Variants in MAPRE1 observed in about 807,000 individuals in gnomAD.
MAPRE1 encodes the protein microtubule associated protein RP/EB family member 1.
In MAPRE1, 5 loss-of-function variants were observed where a neutral mutation model predicts 32.1. That is an observed-to-expected ratio of 0.16 (90% CI 0.08 to 0.33). The LOEUF (loss-of-function observed/expected upper bound fraction) is 0.33. Ranked by LOEUF, MAPRE1 falls within the 10% of genes least tolerant of loss-of-function variation. The pLI is 1.00. For missense variants in MAPRE1, 209 were observed against 327.2 expected (o/e 0.64, Z 2.79); for synonymous variants, 122 against 118.9 (o/e 1.03, Z -0.17).
chr20:32,832,948 A>T (rs1000348947), intron 2 of MAPRE1, among the ~76,000 whole-genome samples: 11 of 151,542 alleles, frequency 7.3e-5, no homozygotes, highest in African/African-American at 2.7e-4. Flanking sequence ...GTCTCAAAAA[A>T]AATAAATAAA....
intron 6 of MAPRE1, among the ~76,000 whole-genome samples, chr20:32,847,325 A>G (rs1363226287): frequency 6.6e-6 from 1 of 152,174 alleles, no homozygotes; most frequent in East Asian, 1.9e-4. Flanking sequence ...TAATCACGAC[A>G]TGTTAGTTGA....
In MAPRE1 at chr20:32,826,166, C is replaced by G. The variant is rs1051479149; in HGVS notation, c.121+118C>G. On this transcript the variant is annotated intron_variant, in intron 2 of 6. Transcript: ENST00000375571. ...AGGTTCAGGGTCTTTGTTAGGGCCA[C>G]CCTGTTTCTTCCTCTCAGCCCTGCC... 7 of 869,386 alleles carry G rather than the reference C, an allele frequency of 8.1e-6. No individual in the cohort carries two copies. The African/African-American group carries it at 1.2e-4, about 15-fold the overall frequency. The allele number at this position is 869,386 out of a possible 1,614,324, so 53.9% of individuals were successfully genotyped here. A position where few individuals can be genotyped will look rare whatever the true frequency, so the allele number is the denominator to read the frequency against.
intron 5 of MAPRE1, among the ~76,000 whole-genome samples, chr20:32,845,551 T>G (rs987362093): frequency 6.6e-6 from 1 of 152,194 alleles, no homozygotes; most frequent in Non-Finnish European, 1.5e-5. Context: ...AGAGGGTCCT[T>G]TCTCCTGGGA....
At chr20:32,821,017 C>A (rs897410155) in intron 1 of MAPRE1, among the ~76,000 whole-genome samples, 1 of 148,696 alleles carries the variant, frequency 6.7e-6, no homozygotes, top group African/African-American at 2.5e-5. Context: ...GAGAGATTCT[C>A]TTCTTCCTTT....
rs567714518 is a variant in MAPRE1, at chr20:32,849,936, C to T, written c.*1208C>T. 4 of 152,658 alleles carry T rather than the reference C, an allele frequency of 2.6e-5. No homozygotes were observed. The highest frequency in any genetic ancestry group is 1.3e-4 in the Admixed American group (2 of 15,286). The allele number at this position is 152,658 out of a possible 1,614,324, so 9.5% of individuals were successfully genotyped here. ...TTTTCTTTTGCGGAAAATACAGTAC[C>T]GTGTCTGAATTAATTATTAATATTT... On this transcript the variant is annotated 3_prime_UTR_variant, in exon 7 of 7. Coordinates refer to ENST00000375571, the MANE Select transcript of MAPRE1 (RefSeq NM_012325.3).
At chr20:32,841,592 A>T (rs1329471013) in intron 5 of MAPRE1, among the ~76,000 whole-genome samples, 1 of 149,848 alleles carries the variant, frequency 6.7e-6, no homozygotes, top group African/African-American at 2.5e-5. Context: ...CATTAGGTAT[A>T]TCTCCCAATG....
rs1983108528 is a variant in MAPRE1, at chr20:32,833,860, AAAGT to A, written c.267+5_267+8del. 1 of 1,612,644 alleles carries A rather than the reference AAAGT, an allele frequency of 6.2e-7. No homozygotes were observed. On this transcript the variant is annotated splice_donor_variant and coding_sequence_variant, in exon 3 of 7. Coordinates refer to ENST00000375571, the MANE Select transcript of MAPRE1 (RefSeq NM_012325.3). LOFTEE classifies it high-confidence loss of function. ...AGGTTTTAAGAGAATGGGTGTTGAC[AAAGT>A]AAGTAAACGTTATCTTTTATTGTGG...
chr20:32,846,493 G>C, intron 5 of MAPRE1, 125 bp from the exon 6 acceptor site: 2 of 851,686 alleles, frequency 2.3e-6, no homozygotes, highest in Non-Finnish European at 3.8e-6. Flanking sequence ...ACATTAAACT[G>C]ATGTGGTTTT....
At chr20:32,843,726 CAT>C (rs778957569) in intron 5 of MAPRE1, among the ~76,000 whole-genome samples, 3 of 152,274 alleles carry the variant, frequency 2.0e-5, no homozygotes, top group African/African-American at 4.8e-5. Flanking sequence ...TATATAGACA[CAT>C]GTGGTTGATG....
At chr20:32,837,206 G>C (rs1034865208) in intron 4 of MAPRE1, among the ~76,000 whole-genome samples, 1 of 152,222 alleles carries the variant, frequency 6.6e-6, no homozygotes, top group Non-Finnish European at 1.5e-5. Flanking sequence ...CAAAACAAGG[G>C]CATTTTTACA....
chr20:32,833,580 C>G lies in MAPRE1; in HGVS notation c.122-137C>G. 4.4e-6 allele frequency: 3 copies of G among 675,428 alleles called. No homozygotes were observed. The East Asian group carries it at 7.6e-5, about 17-fold the overall frequency. 41.8% of individuals were successfully genotyped at this position (675,428 alleles called of 1,614,324 possible). On this transcript the variant is annotated intron_variant, in intron 2 of 6. Transcript: ENST00000375571. ...TGTTACAGGTTTTAGAAATTGACTT[C>G]ACATGAAGTTAGTGAAGCTTTTGGT... is the stretch of plus-strand genomic sequence containing the variant.
intron 3 of MAPRE1, among the ~76,000 whole-genome samples, chr20:32,835,729 C>A (rs1284310443): frequency 6.6e-6 from 1 of 151,564 alleles, no homozygotes; most frequent in African/African-American, 2.4e-5. Flanking sequence ...CCTCAGCCTC[C>A]TGAGTAGCTG....
chr20:32,834,874 A>C (rs1366537576), intron 3 of MAPRE1, among the ~76,000 whole-genome samples: 1 of 152,152 alleles, frequency 6.6e-6, no homozygotes, highest in East Asian at 1.9e-4. Context: ...TAGCATGGCC[A>C]ATTTTGTTTT....
At chr20:32,839,144 A>G (rs1983282526) in intron 4 of MAPRE1, among the ~76,000 whole-genome samples, 1 of 152,232 alleles carries the variant, frequency 6.6e-6, no homozygotes, top group Non-Finnish European at 1.5e-5. Context: ...ATTCATGGGA[A>G]GAGCAGGCTC....
intron 2 of MAPRE1, 74 bp from the exon 3 acceptor site, chr20:32,833,643 T>C: frequency 7.4e-7 from 1 of 1,358,292 alleles, no homozygotes; most frequent in East Asian, 2.3e-5. Context: ...AAATTGTATT[T>C]GGTTTAAGTG....
chr20:32,831,799 T>C (rs12481627), intron 2 of MAPRE1, among the ~76,000 whole-genome samples: 5,111 of 152,078 alleles, frequency 0.034, 147 homozygotes, highest in Middle Eastern at 0.085. Context: ...CCTTCCAAAG[T>C]GTTGGGATTA....
intron 3 of MAPRE1, among the ~76,000 whole-genome samples, chr20:32,834,692 A>G (rs894553803): frequency 6.6e-6 from 1 of 152,090 alleles, no homozygotes; most frequent in Admixed American, 6.5e-5. Context: ...TAAGAATATC[A>G]CTTAACTTTC....
intron 5 of MAPRE1, chr20:32,843,262 A>G (rs1449391206): frequency 2.6e-5 from 4 of 151,944 alleles, no homozygotes; most frequent in African/African-American, 9.7e-5. Context: ...AAGTTTTTGC[A>G]TTTGCAGCCC....
chr20:32,843,103 A>G (rs533784807), intron 5 of MAPRE1: 18 of 152,300 alleles, frequency 1.2e-4, no homozygotes, highest in African/African-American at 4.1e-4. Context: ...CAACCCTGAC[A>G]TAGAAGTACT....
Sources: allele counts gnomAD v4.1 joint callset (sites outside exome capture counted in the v4.1 genomes callset), GRCh38; gene constraint gnomAD v4.1.1; transcripts MANE v1.5; gene names NCBI Gene and HGNC (gene_info 2026-07-23, HGNC 2026-07-21).